NNT: variants seen among roughly 807,000 people sequenced by gnomAD.
NNT encodes NAD(P) transhydrogenase, mitochondrial.
NNT carries 50 observed loss-of-function variants against 104.8 expected under a neutral mutation model. That is an observed-to-expected ratio of 0.48 (90% CI 0.38 to 0.60). The LOEUF is 0.60. Ranked by LOEUF, NNT falls within the 20% of genes least tolerant of loss-of-function variation. The pLI is 0.00. For missense variants in NNT, 1,131 were observed against 1,330.7 expected, an observed-to-expected ratio of 0.85 and a Z score of 2.33; for synonymous variants, 461 against 490.4, an observed-to-expected ratio of 0.94 and a Z score of 0.79.
At chr5:43,673,306 G>A (rs1021973211) in intron 17 of NNT, among the ~76,000 whole-genome samples, 4 of 152,160 alleles carry the variant, frequency 2.6e-5, no homozygotes, top group African/African-American at 7.2e-5. Flanking sequence ...CACACTGTCC[G>A]ACAAGCCCCA....
intron 3 of NNT, among the ~76,000 whole-genome samples, chr5:43,615,082 A>C (rs2111822237): frequency 6.6e-6 from 1 of 152,120 alleles, no homozygotes. Flanking sequence ...GCTTGCAGTG[A>C]GCCGAGATTG....
chr5:43,651,975 GAGCAAATACAACTCTGTCA>G, intron 13 of NNT, 91 bp downstream of exon 13: 1 of 1,356,676 alleles, frequency 7.4e-7, no homozygotes, highest in Admixed American at 1.9e-5. Flanking sequence ...TCAAAGTATC[GAGCAAATACAACTCTGTCA>G]AGCAAATACA....
intron 19 of NNT, among the ~76,000 whole-genome samples, chr5:43,694,038 T>G (rs1467473962): frequency 6.6e-6 from 1 of 152,196 alleles, no homozygotes; most frequent in Non-Finnish European, 1.5e-5. Context: ...CCATGGAATT[T>G]CGTAATGTGG....
chr5:43,649,438 G>A (rs751299418), intron 11 of NNT, 130 bp downstream of exon 11: 1 of 1,044,438 alleles, frequency 9.6e-7, no homozygotes, highest in Non-Finnish European at 1.4e-6. Flanking sequence ...ATCTGCTTTG[G>A]TGATCTAAGG....
chr5:43,680,382 C>T (rs1385037235), intron 19 of NNT, among the ~76,000 whole-genome samples: 4 of 151,998 alleles, frequency 2.6e-5, no homozygotes, highest in Non-Finnish European at 5.9e-5. Flanking sequence ...GTAATTTAGT[C>T]CTTTCATCAC....
At chr5:43,651,606 T>C (rs1450977263) in intron 12 of NNT, 133 bp from the exon 13 acceptor site, 1 of 1,000,954 alleles carries the variant, frequency 1.0e-6, no homozygotes, top group Non-Finnish European at 1.5e-6. Context: ...TTGCAAAATG[T>C]TACTTTAAAT....
chr5:43,616,144 C>A, intron 4 of NNT, 79 bp downstream of exon 4: 1 of 1,134,840 alleles, frequency 8.8e-7, no homozygotes, highest in South Asian at 1.5e-5. Context: ...TTCTGTCTTA[C>A]AGTGATTTTA....
chr5:43,641,839 T>A (rs568209120), intron 7 of NNT, among the ~76,000 whole-genome samples: 1 of 152,326 alleles, frequency 6.6e-6, no homozygotes, highest in Admixed American at 6.5e-5. Context: ...CCAACTTATC[T>A]CTGTTAAGAT....
chr5:43,672,543 A>T (rs893794887), intron 17 of NNT, among the ~76,000 whole-genome samples: 14 of 152,212 alleles, frequency 9.2e-5, no homozygotes, highest in African/African-American at 3.4e-4. Context: ...AGTTTGCTGG[A>T]GGTCCACTCC....
At chr5:43,609,107 C>T in intron 1 of NNT, 36 bp from the exon 2 acceptor site, 1 of 962,590 alleles carries the variant, frequency 1.0e-6, no homozygotes, top group Non-Finnish European at 1.5e-6. Flanking sequence ...TAGTTTTTTT[C>T]TTGGCATATA....
At chr5:43,675,825 T>G (rs1741387356) in intron 18 of NNT, among the ~76,000 whole-genome samples, 155 bp downstream of exon 18, 1 of 152,192 alleles carries the variant, frequency 6.6e-6, no homozygotes, top group African/African-American at 2.4e-5. Flanking sequence ...TGAAAAATAC[T>G]GAGAATTCTC....
intron 1 of NNT, among the ~76,000 whole-genome samples, chr5:43,606,548 G>T: frequency 6.6e-6 from 1 of 152,200 alleles, no homozygotes; most frequent in Admixed American, 6.5e-5. Flanking sequence ...AACATGTAAA[G>T]CTGTCTGTCC....
At chr5:43,631,969 G>GAA (rs34558570) in intron 7 of NNT, among the ~76,000 whole-genome samples, 2,427 of 102,822 alleles carry the variant, frequency 0.024, 78 homozygotes, top group African/African-American at 0.079. Context: ...TTTCTTTTGG[G>GAA]AAAAAAAAAA....
chr5:43,656,380 G>C (rs534138334), intron 15 of NNT, among the ~76,000 whole-genome samples: 9 of 152,274 alleles, frequency 5.9e-5, no homozygotes, highest in Middle Eastern at 3.4e-3. Flanking sequence ...CTCAGAAATT[G>C]TAAGAGTTTT....
intron 4 of NNT, among the ~76,000 whole-genome samples, chr5:43,617,664 A>T (rs1561265966): frequency 6.6e-6 from 1 of 152,162 alleles, no homozygotes; most frequent in Admixed American, 6.5e-5. Context: ...TACTTTTTTC[A>T]CTATCAATGT....
Position 43,660,761 on chromosome 5 carries a change from G to A in NNT, c.2634+1411G>A, listed in dbSNP as rs139111595. ...GGGGGATGTGCCACACACTTTTAAA[G>A]CACCAGATCTCGTGAGAACTCACTA... is the stretch of plus-strand genomic sequence containing the variant. On this transcript the variant is annotated intron_variant, in intron 17 of 21. Coordinates refer to ENST00000344920, the MANE Select transcript of NNT (RefSeq NM_182977.3). Among the ~76,000 whole-genome samples the A allele has an allele frequency of 7.9e-5, 12 of 152,208 alleles. No individual in the cohort carries two copies. In the East Asian group the frequency reaches 2.3e-3, roughly 29 times the overall value.
At chr5:43,663,285 G>A (rs1004854588) in intron 17 of NNT, among the ~76,000 whole-genome samples, 2 of 152,010 alleles carry the variant, frequency 1.3e-5, no homozygotes, top group Non-Finnish European at 2.9e-5. Context: ...GCAATTACAT[G>A]GTCAAAGGGA....
At chr5:43,668,249 T>C (rs1458911395) in intron 17 of NNT, among the ~76,000 whole-genome samples, 1 of 151,760 alleles carries the variant, frequency 6.6e-6, no homozygotes, top group Admixed American at 6.6e-5. Context: ...TGGTGGTTTT[T>C]TTTTTTTTTT....
chr5:43,621,375 A>C (rs1750081449), intron 5 of NNT, among the ~76,000 whole-genome samples: 1 of 152,176 alleles, frequency 6.6e-6, no homozygotes, highest in South Asian at 2.1e-4. Flanking sequence ...CCCCTGGCCT[A>C]GATTGAATGA....
Sources: gnomAD v4.1 joint callset for allele counts (sites outside exome capture counted in the v4.1 genomes callset) on GRCh38, gnomAD v4.1.1 for gene constraint, MANE v1.5 for transcripts, NCBI Gene and HGNC (gene_info 2026-07-23, HGNC 2026-07-21) for gene names.